The following DLGAP1 variants were observed in gnomAD, a reference collection of about 807,000 sequenced individuals.
DLGAP1 encodes the protein DLG associated protein 1, also known as disks large-associated protein 1.
In DLGAP1, 11 loss-of-function variants were observed where a neutral mutation model predicts 90.8. The observed-to-expected ratio is 0.12, with a 90% CI of 0.08 to 0.20. DLGAP1 has a LOEUF of 0.20. Ranked by LOEUF, DLGAP1 falls within the 10% of genes least tolerant of loss-of-function variation. The pLI is 1.00. For missense variants in DLGAP1, 1,050 were observed against 1,333.8 expected (o/e 0.79, Z 3.31); for synonymous variants, 558 against 540.7 (o/e 1.03, Z -0.44).
chr18:4,228,914 C>A (rs1446589333), intron 1 of DLGAP1, among the ~76,000 whole-genome samples: 3 of 151,892 alleles, frequency 2.0e-5, no homozygotes, highest in African/African-American at 4.8e-5. Context: ...TCCTTGTTTG[C>A]AAATTATGTA....
At chr18:3,787,480 CAAAAAAAAAAAAAAAAAA>C (rs1189558362) in intron 5 of DLGAP1, among the ~76,000 whole-genome samples, 2 of 63,778 alleles carry the variant, frequency 3.1e-5, no homozygotes, top group African/African-American at 1.3e-4. Context: ...AACTCCATCT[CAAAAAAAAAAAAAAAAAA>C]AAAAAAAAAA....
At chr18:4,416,318 C>T (rs2082898595) in intron 1 of DLGAP1, among the ~76,000 whole-genome samples, 1 of 152,086 alleles carries the variant, frequency 6.6e-6, no homozygotes, top group Non-Finnish European at 1.5e-5. Flanking sequence ...ATACCAAGGT[C>T]AGATGATAAT....
At chr18:4,403,271 C>T (rs1228880343) in intron 1 of DLGAP1, among the ~76,000 whole-genome samples, 7 of 151,980 alleles carry the variant, frequency 4.6e-5, no homozygotes, top group Non-Finnish European at 1.0e-4. Context: ...GAAGTTCCAC[C>T]AAAAAGTCCA....
intron 2 of DLGAP1, among the ~76,000 whole-genome samples, chr18:4,073,311 A>C (rs2143499603): frequency 6.6e-6 from 1 of 152,296 alleles, no homozygotes; most frequent in Non-Finnish European, 1.5e-5. Flanking sequence ...ATAGACTCTA[A>C]GGTAAAAATC....
At chr18:3,559,044 A>C (rs1447977925) in intron 9 of DLGAP1, among the ~76,000 whole-genome samples, 1 of 152,218 alleles carries the variant, frequency 6.6e-6, no homozygotes, top group Non-Finnish European at 1.5e-5. Context: ...TAGCAGTGGT[A>C]TTTCCATTTA....
intron 1 of DLGAP1, among the ~76,000 whole-genome samples, chr18:4,317,402 A>G (rs1051000282): frequency 2.0e-5 from 3 of 152,252 alleles, no homozygotes; most frequent in African/African-American, 7.2e-5. Context: ...GAAAAAAATC[A>G]GATCCATGAT....
chr18:3,767,378 A>C (rs1201489756), intron 5 of DLGAP1, among the ~76,000 whole-genome samples: 2 of 152,128 alleles, frequency 1.3e-5, no homozygotes, highest in Non-Finnish European at 1.5e-5. Flanking sequence ...AGAGAAGTAA[A>C]CATTCCCATT....
intron 9 of DLGAP1, among the ~76,000 whole-genome samples, chr18:3,555,481 A>G (rs1490186191): frequency 2.6e-5 from 4 of 152,178 alleles, no homozygotes; most frequent in Non-Finnish European, 4.4e-5. Context: ...GCTACTAGGT[A>G]TGACCAAACA....
chr18:4,006,360 A>G (rs1427682601), intron 2 of DLGAP1, among the ~76,000 whole-genome samples: 1 of 152,156 alleles, frequency 6.6e-6, no homozygotes, highest in African/African-American at 2.4e-5. Context: ...AAATTCCAGC[A>G]TTCTCTTCTC....
At chr18:3,964,393 T>C (rs977026963) in intron 3 of DLGAP1, among the ~76,000 whole-genome samples, 2 of 151,716 alleles carry the variant, frequency 1.3e-5, no homozygotes, top group Admixed American at 6.6e-5. Flanking sequence ...GAGAAAAGAG[T>C]CTGCGTGAAT....
At chr18:4,227,038 C>T (rs908299214) in intron 1 of DLGAP1, among the ~76,000 whole-genome samples, 1 of 151,420 alleles carries the variant, frequency 6.6e-6, no homozygotes, top group Non-Finnish European at 1.5e-5. Flanking sequence ...CAAATGGAAA[C>T]CAAAAAAGAG....
At chr18:3,845,673 T>C in intron 4 of DLGAP1, 1 of 910,194 alleles carries the variant, frequency 1.1e-6, no homozygotes. Context: ...GTAACGTATA[T>C]TCTGTCAAAT....
intron 1 of DLGAP1, among the ~76,000 whole-genome samples, chr18:4,410,936 G>T (rs2144609180): frequency 1.3e-5 from 2 of 152,286 alleles, no homozygotes; most frequent in East Asian, 3.9e-4. Flanking sequence ...GAAGGCTCAT[G>T]CCTGACTTCC....
At chr18:3,599,531 C>G (rs2056780750) in intron 7 of DLGAP1, among the ~76,000 whole-genome samples, 1 of 152,192 alleles carries the variant, frequency 6.6e-6, no homozygotes, top group Admixed American at 6.5e-5. Context: ...CTAACTAAGC[C>G]CACCTGTGGA....
chr18:3,585,135 A>G (rs1452055416), intron 7 of DLGAP1, among the ~76,000 whole-genome samples: 1 of 152,230 alleles, frequency 6.6e-6, no homozygotes, highest in Non-Finnish European at 1.5e-5. Flanking sequence ...GACAGGAAAT[A>G]CGACTCAGGG....
intron 9 of DLGAP1, among the ~76,000 whole-genome samples, chr18:3,555,308 A>C (rs1051837057): frequency 6.6e-6 from 1 of 152,170 alleles, no homozygotes; most frequent in Non-Finnish European, 1.5e-5. Flanking sequence ...ATGTTTTGGA[A>C]AGCTAAGTAC....
chr18:4,291,119 T>C (rs2079838811), intron 1 of DLGAP1, among the ~76,000 whole-genome samples: 1 of 152,208 alleles, frequency 6.6e-6, no homozygotes, highest in African/African-American at 2.4e-5. Flanking sequence ...AGGAATCTAA[T>C]TGGAATATTT....
At chr18:4,326,508 T>C (rs1039643657) in intron 1 of DLGAP1, among the ~76,000 whole-genome samples, 3 of 152,162 alleles carry the variant, frequency 2.0e-5, no homozygotes, top group Non-Finnish European at 2.9e-5. Flanking sequence ...CCCAAAGGAA[T>C]GTAAACTATT....
intron 1 of DLGAP1, among the ~76,000 whole-genome samples, chr18:4,291,092 T>C (rs1156561223): frequency 6.6e-6 from 1 of 152,164 alleles, no homozygotes; most frequent in East Asian, 1.9e-4. Context: ...CTCAAAATGG[T>C]AGATGTTGAA....
Sources: gnomAD v4.1 joint callset for allele counts (sites outside exome capture counted in the v4.1 genomes callset) on GRCh38, gnomAD v4.1.1 for gene constraint, MANE v1.5 for transcripts, NCBI Gene and HGNC (gene_info 2026-07-23, HGNC 2026-07-21) for gene names.